RAD51B: variants seen among roughly 807,000 people sequenced by gnomAD.
The protein encoded by RAD51B is RAD51 paralog B.
In RAD51B, 38 loss-of-function variants were observed where a neutral mutation model predicts 42.2. The observed-to-expected ratio is 0.90, with a 90% CI of 0.70 to 1.18. The LOEUF (loss-of-function observed/expected upper bound fraction) is 1.18. RAD51B is among the 50% of genes most tolerant of loss of function. The pLI is 0.00. For synonymous variants in RAD51B, 154 were observed against 145.2 expected (o/e 1.06, Z -0.43); for missense variants, 373 against 400.7 (o/e 0.93, Z 0.59).
At chr14:68,468,923 T>C (rs2086053072) in intron 10 of RAD51B, among the ~76,000 whole-genome samples, 1 of 152,214 alleles carries the variant, frequency 6.6e-6, no homozygotes, top group Non-Finnish European at 1.5e-5. Context: ...CGCCAGTGGT[T>C]AGGAAAGGCA....
intron 7 of RAD51B, among the ~76,000 whole-genome samples, chr14:68,179,993 A>G (rs2079031437): frequency 6.6e-6 from 1 of 152,128 alleles, no homozygotes; most frequent in Admixed American, 6.5e-5. Context: ...ATATTTGTGT[A>G]TGGGGGGAGA....
chr14:68,678,777 C>T (rs1015578288), intron 11 of RAD51B, among the ~76,000 whole-genome samples: 1 of 152,158 alleles, frequency 6.6e-6, no homozygotes. Context: ...AGAGGCAGTC[C>T]ATCTGGAACT....
intron 7 of RAD51B, among the ~76,000 whole-genome samples, chr14:68,048,236 C>T (rs2076334533): frequency 1.3e-5 from 2 of 152,200 alleles, no homozygotes; most frequent in African/African-American, 2.4e-5. Context: ...GCATAAATGT[C>T]TTCTTTTGAG....
chr14:68,294,993 A>C (rs897921027), intron 8 of RAD51B, among the ~76,000 whole-genome samples: 13 of 152,214 alleles, frequency 8.5e-5, no homozygotes, highest in Non-Finnish European at 1.8e-4. Flanking sequence ...GTCAATTTGC[A>C]TAAGTTCCAA....
chr14:67,917,186 C>T (rs973476653), intron 7 of RAD51B, among the ~76,000 whole-genome samples: 2 of 152,188 alleles, frequency 1.3e-5, no homozygotes, highest in Non-Finnish European at 2.9e-5. Flanking sequence ...TTTTCTTAGG[C>T]TGTTCTTGCG....
intron 10 of RAD51B, among the ~76,000 whole-genome samples, chr14:68,496,721 G>A (rs898581358): frequency 6.6e-6 from 1 of 152,226 alleles, no homozygotes; most frequent in African/African-American, 2.4e-5. Flanking sequence ...AAGAACATTC[G>A]TGATTCATAG....
chr14:68,125,319 A>T (rs1256393729), intron 7 of RAD51B: 2 of 152,212 alleles, frequency 1.3e-5, no homozygotes, highest in Non-Finnish European at 2.9e-5. Context: ...CTCAGATGCC[A>T]GATACCTGTC....
intron 7 of RAD51B, among the ~76,000 whole-genome samples, chr14:67,932,061 A>T (rs1005000048): frequency 6.6e-6 from 1 of 152,186 alleles, no homozygotes; most frequent in African/African-American, 2.4e-5. Flanking sequence ...TTGGAGTACA[A>T]TTGAACATGT....
At chr14:68,522,587 C>A (rs183184866) in intron 10 of RAD51B, among the ~76,000 whole-genome samples, 59 of 152,256 alleles carry the variant, frequency 3.9e-4, no homozygotes, top group African/African-American at 1.3e-3. Flanking sequence ...AAGCATGTAC[C>A]GGCTCGTGTG....
At chr14:68,673,580 AC>A (rs1164748898) in intron 11 of RAD51B, among the ~76,000 whole-genome samples, 3 of 150,960 alleles carry the variant, frequency 2.0e-5, no homozygotes, top group African/African-American at 7.4e-5. Context: ...ACATACACAT[AC>A]TGTACATACA....
At chr14:68,401,132 T>G (rs1360680947) in intron 8 of RAD51B, among the ~76,000 whole-genome samples, 1 of 152,246 alleles carries the variant, frequency 6.6e-6, no homozygotes, top group East Asian at 1.9e-4. Context: ...TAGTACAGAC[T>G]GAAGCTTTTC....
chr14:68,423,902 G>C (rs2140114734), intron 9 of RAD51B, among the ~76,000 whole-genome samples: 1 of 152,282 alleles, frequency 6.6e-6, no homozygotes, highest in East Asian at 1.9e-4. Flanking sequence ...TACAGGACAT[G>C]GTCTTCTGAA....
At chr14:68,497,241 T>A in intron 10 of RAD51B, 9 of 1,362,996 alleles carry the variant, frequency 6.6e-6, no homozygotes, top group Non-Finnish European at 8.8e-6. Context: ...GAAACACCCA[T>A]CGTTCTCTGC....
chr14:68,098,683 C>T (rs2077237996), intron 7 of RAD51B, among the ~76,000 whole-genome samples: 1 of 152,180 alleles, frequency 6.6e-6, no homozygotes, highest in Non-Finnish European at 1.5e-5. Context: ...TATCTCCCAC[C>T]AGGTCCCTCC....
chr14:68,541,135 G>A, intron 10 of RAD51B: 2 of 985,444 alleles, frequency 2.0e-6, no homozygotes, highest in South Asian at 9.4e-5. Flanking sequence ...TTAGGCTCTA[G>A]ACCAGTGCTG....
intron 8 of RAD51B, among the ~76,000 whole-genome samples, chr14:68,372,550 A>G (rs2083285825): frequency 6.6e-6 from 1 of 152,208 alleles, no homozygotes; most frequent in Non-Finnish European, 1.5e-5. Flanking sequence ...AGACTGCTTC[A>G]AGAGATACAA....
chr14:67,856,469 A>C (rs1328039106), intron 4 of RAD51B, among the ~76,000 whole-genome samples: 1 of 152,020 alleles, frequency 6.6e-6, no homozygotes, highest in Non-Finnish European at 1.5e-5. Context: ...ATAATTGTTG[A>C]GCAAACGGAG....
chr14:68,267,057 TCTCCTG>T (rs898792009), intron 7 of RAD51B, among the ~76,000 whole-genome samples: 1 of 152,198 alleles, frequency 6.6e-6, no homozygotes, highest in Non-Finnish European at 1.5e-5. Context: ...AGGTGCTGTT[TCTCCTG>T]AAAAGTTGAC....
intron 7 of RAD51B, among the ~76,000 whole-genome samples, chr14:68,133,828 A>T (rs1025436991): frequency 5.3e-5 from 8 of 151,840 alleles, no homozygotes; most frequent in Middle Eastern, 3.4e-3. Flanking sequence ...TTTTTTTTTT[A>T]AATAATTATA....
Sources: allele counts gnomAD v4.1 joint callset (sites outside exome capture counted in the v4.1 genomes callset), GRCh38; gene constraint gnomAD v4.1.1; transcripts MANE v1.5; gene names NCBI Gene and HGNC (gene_info 2026-07-23, HGNC 2026-07-21).